Variants in PPP1R12C observed in about 807,000 individuals in gnomAD.
PPP1R12C encodes leukocyte receptor cluster (LRC) encoded novel gene 3.
PPP1R12C carries 48 observed loss-of-function variants against 95.6 expected under a neutral mutation model. The observed-to-expected ratio is 0.50, with a 90% CI of 0.40 to 0.64. PPP1R12C has a LOEUF of 0.64. PPP1R12C is among the 30% of genes least tolerant of loss of function. The pLI is 0.00. For synonymous variants in PPP1R12C, 480 were observed against 460.8 expected, an observed-to-expected ratio of 1.04 and a Z score of -0.53; for missense variants, 1,057 against 1,083.3, an observed-to-expected ratio of 0.98 and a Z score of 0.34.
rs920897148 is a variant in PPP1R12C, at chr19:55,109,511, G to A, written c.571+2956C>T. ...GCCAGAGGACTTTGCGGTGTTGGAG[G>A]GAGCGGTGGCTCCAGGCCACGAGGT... On this transcript the variant is annotated intron_variant, in intron 3 of 21. Coordinates refer to ENST00000263433, the MANE Select transcript of PPP1R12C (RefSeq NM_017607.4). This position sits in a 1 kb window ranked among gnomAD's most constrained non-coding sequence, Gnocchi z 4.4. Among the ~76,000 whole-genome samples the A allele has an allele frequency of 2.0e-5, 3 of 152,250 alleles. No homozygotes were observed. The highest frequency in any genetic ancestry group is 4.4e-5 in the Non-Finnish European group (3 of 68,040).
chr19:55,102,606 T>A (rs1266321651), intron 4 of PPP1R12C, among the ~76,000 whole-genome samples: 3 of 152,140 alleles, frequency 2.0e-5, no homozygotes, highest in African/African-American at 7.2e-5. Flanking sequence ...AGAAACAAAG[T>A]CCATAATCAC....
chr19:55,091,449 G>A lies in PPP1R12C; in HGVS notation c.*23C>T, dbSNP rs766572853. ...GTGGCAGAAGCAGCTGTATAAATACGGGTGCGGGAAAGTCCCTCCGGGTCA... is the reference window on the plus strand; with the variant it reads ...GTGGCAGAAGCAGCTGTATAAATACAGGTGCGGGAAAGTCCCTCCGGGTCA... On this transcript the variant is annotated 3_prime_UTR_variant, in exon 22 of 22. Coordinates refer to ENST00000263433, the MANE Select transcript of PPP1R12C (RefSeq NM_017607.4). The A allele has an allele frequency of 1.8e-5, 28 of 1,599,072 alleles. No homozygotes were observed. Among genetic ancestry groups the A allele is most frequent in the African/African-American group, 6.7e-5 (5 of 74,592 alleles).
intron 1 of PPP1R12C, among the ~76,000 whole-genome samples, chr19:55,116,020 C>T (rs370576832): frequency 6.6e-6 from 1 of 152,250 alleles, no homozygotes; most frequent in African/African-American, 2.4e-5. Flanking sequence ...GGTAGGGGAG[C>T]TGCCCAAATG....
Position 55,091,907 on chromosome 19 carries a change from C to T in PPP1R12C, c.2163G>A (p.Arg721=), listed in dbSNP as rs370039898. The T allele has an allele frequency of 1.2e-6, 2 of 1,613,094 alleles. No individual in the cohort carries two copies. The highest frequency in any genetic ancestry group is 2.7e-5 in the African/African-American group (2 of 74,910). ...CTGGCCTCTCAGCGAAGCGTTCTTGCCTCTGGTGAGGACACAGAAAGCACA... is the reference window on the plus strand; with the variant it reads ...CTGGCCTCTCAGCGAAGCGTTCTTGTCTCTGGTGAGGACACAGAAAGCACA... ...LKVELERATQ[R]QERFAERPAL... The change falls in exon 20 of 22, where the codon AGG becomes AGA. Residue 721 remains arginine (R), a splice_region_variant and synonymous_variant. Coordinates refer to ENST00000263433, the MANE Select transcript of PPP1R12C (RefSeq NM_017607.4).
In PPP1R12C at chr19:55,117,255, T is replaced by C. The variant is rs2085164377; in HGVS notation, c.289A>G (p.Thr97Ala). 1.1e-5 allele frequency: 14 copies of C among 1,226,878 alleles called. No homozygotes were observed. In the South Asian group the frequency reaches 5.7e-4, roughly 50 times the overall value. The allele number at this position is 1,226,878 out of a possible 1,614,324, so 76.0% of individuals were successfully genotyped here. A position where few individuals can be genotyped will look rare whatever the true frequency, so the allele number is the denominator to read the frequency against. Residue 97 changes from threonine (T) to alanine (A), a missense_variant, in exon 1 of 22, where the codon ACC (threonine) becomes GCC (alanine). By Grantham distance (58) the Thr-to-Ala change is moderately conservative. Transcript: ENST00000263433. ...AGGGCGCTGATACCGTCGGCGTTGG[T>C]GGAGTCCAGCACGGCGCGGGCGGGC... ...PPPARAVLDS[T>A]NADGISALHQ...
intron 6 of PPP1R12C, 94 bp from the exon 7 acceptor site, chr19:55,096,429 A>T: frequency 7.0e-7 from 1 of 1,437,852 alleles, no homozygotes; most frequent in South Asian, 1.1e-5. Flanking sequence ...CTCACTGCCC[A>T]GGCGGGCACC....
Position 55,095,854 on chromosome 19 carries a change from G to A in PPP1R12C, c.1227+13C>T. 1 of 1,613,102 alleles carries A rather than the reference G, an allele frequency of 6.2e-7. No individual in the cohort carries two copies. The highest frequency in any genetic ancestry group is 8.5e-7 in the Non-Finnish European group (1 of 1,179,392). On this transcript the variant is annotated intron_variant, in intron 9 of 21. Transcript: ENST00000263433. ...CTCCCAGCCTCACAGGACCTCTCAGGGCATCCACTCACCACGGGACTCTTA... is the reference window on the plus strand; with the variant it reads ...CTCCCAGCCTCACAGGACCTCTCAGAGCATCCACTCACCACGGGACTCTTA...
chr19:55,095,806 G>T, intron 9 of PPP1R12C, 61 bp downstream of exon 9: 1 of 1,575,476 alleles, frequency 6.3e-7, no homozygotes. Context: ...TTCACAGGCT[G>T]TATGGAATCC....
chr19:55,111,184 C>T (rs1036502348), intron 3 of PPP1R12C, among the ~76,000 whole-genome samples: 1 of 142,852 alleles, frequency 7.0e-6, no homozygotes, highest in Non-Finnish European at 1.5e-5. Flanking sequence ...GATGGCTAAG[C>T]GGTTGCAGGG....
Position 55,091,029 on chromosome 19 carries a change from C to T in PPP1R12C, c.*443G>A, listed in dbSNP as rs528917817. On this transcript the variant is annotated 3_prime_UTR_variant, in exon 22 of 22. Transcript: ENST00000263433. ...GGGCAGCAAAAAATAGAAGACGTCCCTCCCTATTGCACATGGACCCTATAT... is the reference window on the plus strand; with the variant it reads ...GGGCAGCAAAAAATAGAAGACGTCCTTCCCTATTGCACATGGACCCTATAT... 249 of 165,222 alleles carry T rather than the reference C, an allele frequency of 1.5e-3. No homozygotes were observed. Among genetic ancestry groups the T allele is most frequent in the African/African-American group, 5.8e-3 (241 of 41,888 alleles). The allele number at this position is 165,222 out of a possible 1,614,324, so 10.2% of individuals were successfully genotyped here. A position where few individuals can be genotyped will look rare whatever the true frequency, so the allele number is the denominator to read the frequency against.
Position 55,094,686 on chromosome 19 carries a change from G to A in PPP1R12C, c.1567C>T (p.Pro523Ser). 6.2e-7 allele frequency: 1 copy of A among 1,605,018 alleles called. No homozygotes were observed. The highest frequency in any genetic ancestry group is 8.5e-7 in the Non-Finnish European group (1 of 1,177,442). Residue 523 changes from proline to serine, a missense_variant, in exon 12 of 22, where the codon CCA becomes TCA. Around this residue, in one of 5 missense-constraint regions of PPP1R12C, gnomAD observed 356 missense variants for 330.5 expected, o/e 1.08. Coordinates refer to ENST00000263433, the MANE Select transcript of PPP1R12C (RefSeq NM_017607.4). ...CTCCGTCGGTCCCGGGAGTCCGCTG[G>A]GGGCGCCGTGGAGGCTGTGGGGACG... ...PNVPTASTAP[P>S]ADSRDRRRSY...
chr19:55,108,914 C>G (rs2085066811), intron 3 of PPP1R12C, among the ~76,000 whole-genome samples: 1 of 152,116 alleles, frequency 6.6e-6, no homozygotes, highest in Admixed American at 6.6e-5. Context: ...CCATGTTGGT[C>G]AGGTTGGCCT....
intron 6 of PPP1R12C, 110 bp from the exon 7 acceptor site, chr19:55,096,445 C>A: frequency 7.7e-7 from 1 of 1,302,630 alleles, no homozygotes; most frequent in Non-Finnish European, 1.1e-6. Flanking sequence ...GCACCGAGGG[C>A]TCGTGGGCTT....
Position 55,117,555 on chromosome 19 carries a change from C to T in PPP1R12C, c.-12G>A. On this transcript the variant is annotated 5_prime_UTR_variant, in exon 1 of 22. Coordinates refer to ENST00000263433, the MANE Select transcript of PPP1R12C (RefSeq NM_017607.4). ...TCCTCTCCGGACATCGCACCGCCCG[C>T]CCGCCCAGCGAGCGAGCGAGCGCCG... The T allele has an allele frequency of 2.0e-6, 2 of 997,126 alleles. No individual in the cohort carries two copies. The highest frequency in any genetic ancestry group is 2.4e-6 in the Non-Finnish European group (2 of 839,588). 61.8% of individuals were successfully genotyped at this position (997,126 alleles called of 1,614,324 possible). A position where few individuals can be genotyped will look rare whatever the true frequency, so the allele number is the denominator to read the frequency against.
intron 3 of PPP1R12C, chr19:55,111,943 G>T (rs1192710598): frequency 6.6e-6 from 1 of 152,648 alleles, no homozygotes; most frequent in African/African-American, 2.4e-5. Flanking sequence ...TCACACACCT[G>T]CTAGAAGCAA....
intron 16 of PPP1R12C, 23 bp downstream of exon 16, chr19:55,092,755 CCAGCT>C (rs765371215): frequency 1.7e-5 from 27 of 1,543,342 alleles, no homozygotes; most frequent in Non-Finnish European, 1.7e-5. Flanking sequence ...ACCCTCTGCA[CCAGCT>C]CGGCCCCACC....
At chr19:55,099,766 G>A (rs145830548) in intron 4 of PPP1R12C, among the ~76,000 whole-genome samples, 387 of 152,322 alleles carry the variant, frequency 2.5e-3, no homozygotes, top group Non-Finnish European at 4.4e-3. Context: ...AGTGTTCTGC[G>A]AGAAAACAAT....
chr19:55,099,049 C>G lies in PPP1R12C; in HGVS notation c.778G>C (p.Gly260Arg). 1 of 1,552,890 alleles carries G rather than the reference C, an allele frequency of 6.4e-7. No homozygotes were observed. The highest frequency in any genetic ancestry group is 8.7e-7 in the Non-Finnish European group (1 of 1,148,168). Residue 260 changes from glycine (G) to arginine (R), a missense_variant, in exon 5 of 22, where the codon GGC becomes CGC. Physicochemically the swap from Gly to Arg is moderately radical, Grantham distance 125 (BLOSUM62 -2). Transcript: ENST00000263433. Reference protein sequence around the residue: ...GYDPELRDGDGWTPLHAAAHW... With the variant: ...GYDPELRDGDRWTPLHAAAHW... The stretch of plus-strand genomic sequence containing the variant: ...GCCGCTGCGTGCAGGGGAGTCCAGC[C>G]GTCCCCGTCCCGGAGCTCTGGGTCG...
At chr19:55,106,047 G>A (rs558177414) in intron 3 of PPP1R12C, among the ~76,000 whole-genome samples, 9 of 151,920 alleles carry the variant, frequency 5.9e-5, no homozygotes, top group African/African-American at 2.2e-4. Context: ...GGCGATTTTT[G>A]TCAATAAACG....
Sources: allele counts gnomAD v4.1 joint callset (sites outside exome capture counted in the v4.1 genomes callset), GRCh38; gene constraint gnomAD v4.1.1; regional missense constraint gnomAD v4.1.1; non-coding constraint Gnocchi (gnomAD v3.1); transcripts MANE v1.5; gene names NCBI Gene and HGNC (gene_info 2026-07-23, HGNC 2026-07-21).